Variants in DOCK9 observed in about 807,000 individuals in gnomAD.
The protein encoded by DOCK9 is dedicator of cytokinesis protein 9.
In DOCK9, 89 loss-of-function variants were observed where a neutral mutation model predicts 263.3. The observed-to-expected ratio is 0.34, with a 90% confidence interval of 0.28 to 0.40. The LOEUF (loss-of-function observed/expected upper bound fraction) is 0.40, where lower values mean the gene tolerates loss of function less well. DOCK9 is among the 10% of genes least tolerant of loss of function. DOCK9 has a pLI of 1.00. For missense variants in DOCK9, 2,140 were observed against 2,603.4 expected, an observed-to-expected ratio of 0.82 and a Z score of 3.87; for synonymous variants, 976 against 973.1, an observed-to-expected ratio of 1.00 and a Z score of -0.06.
chr13:98,937,380 GAAAAAGAA>G lies in DOCK9; in HGVS notation c.244-7131_244-7124del, dbSNP rs1212606468. On this transcript the variant is annotated intron_variant, in intron 2 of 52. Transcript: ENST00000682017. ...GCACCTGCAAGAAAGAAAAGGAAAAGAAAAAGAAAAAAAGAAAGATAGGTAGATAGATA... is the reference window on the plus strand; with the variant it reads ...GCACCTGCAAGAAAGAAAAGGAAAAGAAAAAGAAAGATAGGTAGATAGATA... Among the ~76,000 whole-genome samples the G allele has an allele frequency of 1.5e-3, 232 of 151,462 alleles. 8 individuals carry two copies. The South Asian group carries it at 0.045, about 30-fold the overall frequency.
chr13:98,819,606 C>T (rs996739317), intron 45 of DOCK9, among the ~76,000 whole-genome samples: 2 of 152,184 alleles, frequency 1.3e-5, no homozygotes, highest in African/African-American at 4.8e-5. Flanking sequence ...GGCAGAACAG[C>T]CACCCAAACT....
At chr13:98,902,619 C>T in intron 11 of DOCK9, 128 bp from the exon 12 acceptor site, 1 of 815,634 alleles carries the variant, frequency 1.2e-6, no homozygotes, top group Non-Finnish European at 1.9e-6. Flanking sequence ...ACAGTCTCAT[C>T]CTTCTGCATA....
At chr13:99,015,891 T>G (rs1885335042) in intron 1 of DOCK9, 8 of 628,530 alleles carry the variant, frequency 1.3e-5, no homozygotes, top group Non-Finnish European at 1.7e-5. Context: ...TCTAGCTGAT[T>G]GCTTCACTCT....
chr13:98,861,581 T>A (rs778255575), intron 32 of DOCK9, among the ~76,000 whole-genome samples: 2 of 152,216 alleles, frequency 1.3e-5, no homozygotes, highest in Non-Finnish European at 2.9e-5. Flanking sequence ...TTATTATAGG[T>A]TAACCTTTAA....
At chr13:99,066,249 G>A (rs1320929953) in intron 1 of DOCK9, among the ~76,000 whole-genome samples, 2 of 152,120 alleles carry the variant, frequency 1.3e-5, no homozygotes, top group African/African-American at 2.4e-5. Flanking sequence ...ATGTCACCTT[G>A]TTTCCAAAAG....
intron 1 of DOCK9, among the ~76,000 whole-genome samples, chr13:99,068,855 T>C (rs2041547867): frequency 6.6e-6 from 1 of 152,178 alleles, no homozygotes; most frequent in African/African-American, 2.4e-5. Context: ...TATAATAGTT[T>C]ACAGATGAAC....
At chr13:99,070,148 G>A (rs1596032903) in intron 1 of DOCK9, among the ~76,000 whole-genome samples, 1 of 111,714 alleles carries the variant, frequency 9.0e-6, no homozygotes, top group Non-Finnish European at 2.3e-5. Context: ...CAACATGCAT[G>A]TGTGTGCCCT....
chr13:98,902,455 T>C lies in DOCK9; in HGVS notation c.1213A>G (p.Ile405Val), dbSNP rs777440994. The C allele has an allele frequency of 1.5e-5, 24 of 1,613,886 alleles. No individual in the cohort carries two copies. Among genetic ancestry groups the C allele is most frequent in the Admixed American group, 5.0e-5 (3 of 60,006 alleles). Residue 405 changes from isoleucine (I) to valine (V), a missense_variant, in exon 12 of 53, where the codon ATA (isoleucine) becomes GTA (valine). By Grantham distance (29) the Ile-to-Val change is conservative (BLOSUM62 3). Transcript: ENST00000682017. ...PFFVTLSLFDIKYNRKISADF... is the reference protein window; with the variant it reads ...PFFVTLSLFDVKYNRKISADF... ...GCAGAAATCTTCCGGTTGTATTTTATGTCAAACAGGGATAGAGTAACAAAG... is the reference window on the plus strand; with the variant it reads ...GCAGAAATCTTCCGGTTGTATTTTACGTCAAACAGGGATAGAGTAACAAAG...
chr13:98,941,267 T>A (rs2055789835), intron 2 of DOCK9, among the ~76,000 whole-genome samples: 2 of 152,174 alleles, frequency 1.3e-5, no homozygotes, highest in Admixed American at 1.3e-4. Context: ...GCTGAGTAAA[T>A]GGGAAGTTGG....
intron 7 of DOCK9, among the ~76,000 whole-genome samples, chr13:98,920,019 G>C (rs1396423145): frequency 6.6e-6 from 1 of 152,162 alleles, no homozygotes; most frequent in Non-Finnish European, 1.5e-5. Context: ...ATGAATGGAG[G>C]GGTGGACAGA....
chr13:99,081,784 T>C (rs1566404103), intron 1 of DOCK9, among the ~76,000 whole-genome samples: 1 of 152,270 alleles, frequency 6.6e-6, no homozygotes, highest in Non-Finnish European at 1.5e-5. Context: ...GCTTTTCTTC[T>C]GAGTTCGCGT....
At chr13:99,053,628 A>G (rs763067828) in intron 1 of DOCK9, among the ~76,000 whole-genome samples, 4 of 152,220 alleles carry the variant, frequency 2.6e-5, no homozygotes, top group Non-Finnish European at 5.9e-5. Context: ...CTTGTACAAA[A>G]GAATTAAAGA....
chr13:98,853,281 A>C (rs1301082482), intron 35 of DOCK9, 127 bp downstream of exon 35: 4 of 587,086 alleles, frequency 6.8e-6, no homozygotes, highest in Non-Finnish European at 1.2e-5. Context: ...ACATTTAGTC[A>C]ATGAATATGC....
intron 38 of DOCK9, among the ~76,000 whole-genome samples, chr13:98,840,100 C>G (rs1172216525): frequency 6.6e-5 from 10 of 152,180 alleles, no homozygotes; most frequent in Admixed American, 6.5e-4. Context: ...GTCTCAAGGC[C>G]TGGAACAGAG....
chr13:98,988,551 G>C (rs1220928611), intron 1 of DOCK9, among the ~76,000 whole-genome samples: 1 of 152,120 alleles, frequency 6.6e-6, no homozygotes, highest in African/African-American at 2.4e-5. Flanking sequence ...ATTCTTTAGA[G>C]GTAATTTTTA....
intron 27 of DOCK9, among the ~76,000 whole-genome samples, chr13:98,877,006 A>G (rs2043960350): frequency 6.6e-6 from 1 of 152,264 alleles, no homozygotes; most frequent in Non-Finnish European, 1.5e-5. Flanking sequence ...TAGGGTCAAA[A>G]TATAATTAAC....
At chr13:98,848,697 G>A (rs369032128) in intron 36 of DOCK9, 58 bp from the exon 37 acceptor site, 40 of 1,497,098 alleles carry the variant, frequency 2.7e-5, no homozygotes, top group South Asian at 8.4e-5. Context: ...TTTTCGGGAC[G>A]TTATTTATCT....
chr13:98,802,894 T>A (rs1048160257), intron 49 of DOCK9, among the ~76,000 whole-genome samples: 3 of 152,068 alleles, frequency 2.0e-5, no homozygotes, highest in African/African-American at 7.2e-5. Flanking sequence ...TGTATCTAGC[T>A]CAACAGCGGA....
At chr13:98,979,648 C>A (rs1876623168), upstream of DOCK9, among the ~76,000 whole-genome samples, 2 of 152,042 alleles carry the variant, frequency 1.3e-5, no homozygotes, top group Non-Finnish European at 1.5e-5. Context: ...AATCTCTCAA[C>A]CTTGGGTAGT....
Sources: gnomAD v4.1 joint callset for allele counts (sites outside exome capture counted in the v4.1 genomes callset) on GRCh38, gnomAD v4.1.1 for gene constraint, MANE v1.5 for transcripts, NCBI Gene and HGNC (gene_info 2026-07-23, HGNC 2026-07-21) for gene names.